The following MTF2 variants were observed in gnomAD, a reference collection of about 807,000 sequenced individuals.
MTF2 encodes the protein metal response element binding transcription factor 2.
MTF2 carries 11 observed loss-of-function variants against 79.5 expected under a neutral mutation model. The ratio of observed to expected loss-of-function variants is 0.14; its 90% CI spans 0.09 to 0.23. The LOEUF (loss-of-function observed/expected upper bound fraction) is 0.23. Ranked by LOEUF, MTF2 falls within the 10% of genes least tolerant of loss-of-function variation. MTF2 has a pLI of 1.00. For missense variants in MTF2, 486 were observed against 711.2 expected (o/e 0.68, Z 3.60); for synonymous variants, 208 against 232.8 (o/e 0.89, Z 0.97).
chr1:93,109,260 TTATAA>T (rs762579515), intron 1 of MTF2, among the ~76,000 whole-genome samples: 7 of 152,186 alleles, frequency 4.6e-5, no homozygotes, highest in Non-Finnish European at 1.0e-4. Context: ...GATACATAAG[TTATAA>T]TGTAATTTCA....
intron 5 of MTF2, 67 bp downstream of exon 5, chr1:93,115,155 G>A: frequency 1.7e-6 from 2 of 1,192,432 alleles, no homozygotes; most frequent in Admixed American, 3.7e-5. Flanking sequence ...CATAATGATT[G>A]TGTACACTGA....
At chr1:93,081,879 T>G (rs1427612883) in intron 1 of MTF2, among the ~76,000 whole-genome samples, 2 of 152,240 alleles carry the variant, frequency 1.3e-5, no homozygotes, top group African/African-American at 4.8e-5. Flanking sequence ...TAGTAGGGGT[T>G]ATTGCATCCA....
intron 1 of MTF2, among the ~76,000 whole-genome samples, chr1:93,109,695 T>TA (rs1297004346): frequency 2.0e-5 from 3 of 152,074 alleles, no homozygotes; most frequent in African/African-American, 7.2e-5. Flanking sequence ...TTTTTTTTTT[T>TA]AAACTCTCAG....
At chr1:93,130,452 CT>C (rs1481696537) in intron 11 of MTF2, among the ~76,000 whole-genome samples, 1 of 152,120 alleles carries the variant, frequency 6.6e-6, no homozygotes, top group Non-Finnish European at 1.5e-5. Context: ...TGGCTTTTGC[CT>C]GTAGTCCCAG....
intron 1 of MTF2, among the ~76,000 whole-genome samples, chr1:93,083,186 C>T (rs925573140): frequency 3.3e-5 from 5 of 152,072 alleles, no homozygotes; most frequent in Non-Finnish European, 7.4e-5. Context: ...GAGATGGGGG[C>T]GGCTCCACAT....
intron 1 of MTF2, among the ~76,000 whole-genome samples, chr1:93,084,169 G>A (rs541101043): frequency 1.3e-5 from 2 of 151,558 alleles, no homozygotes; most frequent in South Asian, 2.1e-4. Flanking sequence ...TTTTATATAT[G>A]GTGTGAGGTA....
In MTF2 at chr1:93,079,313, T is replaced by C. The variant is rs184537281; in HGVS notation, c.-214T>C. The C allele has an allele frequency of 4.5e-3, 2,542 of 563,222 alleles. 53 individuals are homozygous for C. Among genetic ancestry groups the C allele is most frequent in the African/African-American group, 0.041 (2,159 of 52,712 alleles). The allele number at this position is 563,222 out of a possible 1,614,324, so 34.9% of individuals were successfully genotyped here. ...GCGGGAAACCAAAATGGCGAGGGGC[T>C]GTATTGAAGTGGGCTGTGTTTGAGG... On this transcript the variant is annotated 5_prime_UTR_variant, in exon 1 of 15. Coordinates refer to ENST00000370298, the MANE Select transcript of MTF2 (RefSeq NM_007358.4).
intron 1 of MTF2, among the ~76,000 whole-genome samples, chr1:93,103,631 CTA>C (rs1655638841): frequency 6.6e-6 from 1 of 151,986 alleles, no homozygotes; most frequent in Non-Finnish European, 1.5e-5. Context: ...CTATATGTTT[CTA>C]TATTATTCTA....
Position 93,133,754 on chromosome 1 carries a change from T to G in MTF2, c.1212T>G (p.Arg404=), listed in dbSNP as rs771688377. 14 of 1,612,530 alleles carry G rather than the reference T, an allele frequency of 8.7e-6. No individual in the cohort carries two copies. The highest frequency in any genetic ancestry group is 1.3e-5 in the African/African-American group (1 of 74,860). The part of the protein sequence containing the change: ...EKKGKKKSVG[R]PPGPYTRKMI... ...AAGGAAAGAAAAAATCTGTAGGTCG[T>G]CCACCTGGCCCATATACAAGAAAAA... Residue 404 remains arginine, a synonymous_variant, in exon 12 of 15, where the codon CGT becomes CGG. Coordinates refer to ENST00000370298, the MANE Select transcript of MTF2 (RefSeq NM_007358.4).
intron 1 of MTF2, among the ~76,000 whole-genome samples, chr1:93,083,982 C>T (rs984174548): frequency 6.6e-6 from 1 of 152,182 alleles, no homozygotes; most frequent in African/African-American, 2.4e-5. Context: ...TTTCTTCCCC[C>T]ATCCTGTGCA....
intron 1 of MTF2, among the ~76,000 whole-genome samples, 176 bp from the exon 2 acceptor site, chr1:93,110,054 T>C (rs1013619377): frequency 6.6e-6 from 1 of 152,238 alleles, no homozygotes; most frequent in African/African-American, 2.4e-5. Flanking sequence ...AGAATTGTTA[T>C]CATTTTGTTT....
chr1:93,103,317 A>G (rs894953295), intron 1 of MTF2, among the ~76,000 whole-genome samples: 9 of 151,566 alleles, frequency 5.9e-5, no homozygotes, highest in African/African-American at 2.2e-4. Flanking sequence ...TGAAGTTTAT[A>G]TTACTGCTTA....
At chr1:93,100,554 G>A (rs1305263974) in intron 1 of MTF2, among the ~76,000 whole-genome samples, 2 of 152,068 alleles carry the variant, frequency 1.3e-5, no homozygotes, top group African/African-American at 2.4e-5. Context: ...TGATCTGCCC[G>A]CCTCGGCCTC....
chr1:93,088,103 C>A (rs988582677), intron 1 of MTF2, among the ~76,000 whole-genome samples: 12 of 152,134 alleles, frequency 7.9e-5, no homozygotes, highest in Admixed American at 5.9e-4. Flanking sequence ...AAGAGCCCCT[C>A]AGTTCTCTTA....
At chr1:93,087,716 G>A (rs1167799135) in intron 1 of MTF2, among the ~76,000 whole-genome samples, 1 of 152,184 alleles carries the variant, frequency 6.6e-6, no homozygotes, top group Admixed American at 6.5e-5. Context: ...TGTGACCTCG[G>A]TTCATAATTG....
chr1:93,130,067 T>A (rs1440106626), intron 11 of MTF2, among the ~76,000 whole-genome samples: 1 of 152,132 alleles, frequency 6.6e-6, no homozygotes, highest in Non-Finnish European at 1.5e-5. Context: ...AGGGAAAAAC[T>A]ACTCCAGCTA....
At chr1:93,100,781 TAA>T (rs905065532) in intron 1 of MTF2, among the ~76,000 whole-genome samples, 2 of 152,190 alleles carry the variant, frequency 1.3e-5, no homozygotes, top group Non-Finnish European at 2.9e-5. Flanking sequence ...TCTCAAGAGA[TAA>T]AAGAGAATTC....
At chr1:93,119,615 T>C (rs1656390982) in intron 8 of MTF2, 2 of 451,748 alleles carry the variant, frequency 4.4e-6, no homozygotes, top group East Asian at 3.8e-5. Context: ...TTGAATGTTA[T>C]AAATGAAACT....
At chr1:93,092,160 CCTT>C (rs1220647179) in intron 1 of MTF2, among the ~76,000 whole-genome samples, 7 of 151,962 alleles carry the variant, frequency 4.6e-5, no homozygotes, top group Non-Finnish European at 7.4e-5. Context: ...TCTTAGAGCT[CCTT>C]ATTATTTCAT....
Sources: allele counts gnomAD v4.1 joint callset (sites outside exome capture counted in the v4.1 genomes callset), GRCh38; gene constraint gnomAD v4.1.1; transcripts MANE v1.5; gene names NCBI Gene and HGNC (gene_info 2026-07-23, HGNC 2026-07-21).